ENOX1: variants seen among roughly 807,000 people sequenced by gnomAD.
The protein encoded by ENOX1 is candidate growth-related and time keeping constitutive hydroquinone (NADH) oxidase.
Under a neutral mutation model 82.5 loss-of-function variants are expected in ENOX1, and 42 were observed. That is an observed-to-expected ratio of 0.51 (90% CI 0.40 to 0.66). The LOEUF (loss-of-function observed/expected upper bound fraction) is 0.66, where lower values mean the gene tolerates loss of function less well. Ranked by LOEUF, ENOX1 falls within the 30% of genes least tolerant of loss-of-function variation. ENOX1 has a pLI of 0.00. For missense variants in ENOX1, 608 were observed against 811.6 expected, an observed-to-expected ratio of 0.75 and a Z score of 3.05; for synonymous variants, 271 against 282.2, an observed-to-expected ratio of 0.96 and a Z score of 0.40.
At chr13:43,440,795 C>T (rs758044482) in intron 3 of ENOX1, among the ~76,000 whole-genome samples, 1 of 152,120 alleles carries the variant, frequency 6.6e-6, no homozygotes, top group Non-Finnish European at 1.5e-5. Context: ...ATATGAACCT[C>T]AATCATAAGA....
chr13:43,332,348 T>G (rs761264489), intron 9 of ENOX1, among the ~76,000 whole-genome samples: 9 of 152,180 alleles, frequency 5.9e-5, no homozygotes, highest in Non-Finnish European at 1.2e-4. Flanking sequence ...TTCACGCTCC[T>G]GTAAGAATCT....
At chr13:43,408,621 C>T (rs752780313) in intron 5 of ENOX1, among the ~76,000 whole-genome samples, 1 of 151,896 alleles carries the variant, frequency 6.6e-6, no homozygotes. Flanking sequence ...TCTATGGCTA[C>T]GTGGAAAAGA....
rs1174448355 is a variant in ENOX1 at position 43,581,125 on chromosome 13, C to CTTTTTTTTTT, written c.-219+86344_-219+86353dup. Among the ~76,000 whole-genome samples, 231 of 77,102 alleles carry CTTTTTTTTTT rather than the reference C, an allele frequency of 3.0e-3. 9 individuals carry two copies. The highest frequency in any genetic ancestry group is 4.0e-3 in the Non-Finnish European group (174 of 43,958). 50.6% of individuals were successfully genotyped at this position (77,102 alleles called of 152,430 possible). On this transcript the variant is annotated intron_variant, in intron 2 of 16. Coordinates refer to ENST00000690772, the MANE Select transcript of ENOX1 (RefSeq NM_001347969.2). ...TAAGTTATTTTAGCACTACCTGATT[C>CTTTTTTTTTT]TTTTTTTTTTTTTTTTTTTTTTTTT...
At chr13:43,754,005 C>CATAT (rs2153832048) in intron 1 of ENOX1, among the ~76,000 whole-genome samples, 1 of 19,606 alleles carries the variant, frequency 5.1e-5, no homozygotes, top group African/African-American at 1.5e-4. Flanking sequence ...TGTATATATA[C>CATAT]ATATGTATAC....
At chr13:43,331,989 T>G (rs572919308) in intron 9 of ENOX1, among the ~76,000 whole-genome samples, 3 of 152,194 alleles carry the variant, frequency 2.0e-5, no homozygotes, top group African/African-American at 4.8e-5. Context: ...GAATTTCAAA[T>G]AGAGGAAGAA....
At chr13:43,253,676 G>A (rs1394446500) in intron 14 of ENOX1, among the ~76,000 whole-genome samples, 1 of 152,192 alleles carries the variant, frequency 6.6e-6, no homozygotes, top group East Asian at 1.9e-4. Context: ...TGGCTCCTGA[G>A]TAGCATACAG....
intron 9 of ENOX1, among the ~76,000 whole-genome samples, chr13:43,335,706 T>A (rs568124923): frequency 1.9e-3 from 274 of 145,228 alleles, no homozygotes; most frequent in African/African-American, 6.3e-3. Context: ...AAGATTTTTT[T>A]AAAAAAACAT....
At chr13:43,702,975 A>C (rs1355842014) in intron 1 of ENOX1, among the ~76,000 whole-genome samples, 1 of 149,908 alleles carries the variant, frequency 6.7e-6, no homozygotes, top group Non-Finnish European at 1.5e-5. Context: ...AAAAAAAAAA[A>C]AAAAAAAAGT....
At chr13:43,551,879 A>G (rs1229073844) in intron 2 of ENOX1, among the ~76,000 whole-genome samples, 1 of 152,176 alleles carries the variant, frequency 6.6e-6, no homozygotes, top group Admixed American at 6.5e-5. Flanking sequence ...AATGATTTAA[A>G]TAATCTTTAC....
chr13:43,398,971 T>G (rs2053328262), intron 5 of ENOX1, among the ~76,000 whole-genome samples: 1 of 151,614 alleles, frequency 6.6e-6, no homozygotes, highest in African/African-American at 2.4e-5. Context: ...TAATTTTTTT[T>G]TTCAGAGGTA....
At chr13:43,428,875 G>C (rs2055487639) in intron 3 of ENOX1, among the ~76,000 whole-genome samples, 2 of 152,196 alleles carry the variant, frequency 1.3e-5, no homozygotes, top group Admixed American at 1.3e-4. Flanking sequence ...TATTCCAAGG[G>C]ATAGCTGACA....
chr13:43,670,589 C>A lies in ENOX1; in HGVS notation c.-284-3045G>T, dbSNP rs1365151934. On this transcript the variant is annotated intron_variant, in intron 1 of 16. Coordinates refer to ENST00000690772, the MANE Select transcript of ENOX1 (RefSeq NM_001347969.2). The stretch of plus-strand genomic sequence containing the variant: ...GAAAATAGGGCTGGGAGCGGTGGCT[C>A]ATGCCTGTAATCCCAGCACTTTGGG... Among the ~76,000 whole-genome samples the A allele has an allele frequency of 2.0e-5, 3 of 152,276 alleles. No individual in the cohort carries two copies. In the South Asian group the frequency reaches 6.2e-4, roughly 32 times the overall value.
chr13:43,595,408 TTTTA>T (rs985814801), intron 2 of ENOX1, among the ~76,000 whole-genome samples: 4 of 152,118 alleles, frequency 2.6e-5, no homozygotes, highest in African/African-American at 7.2e-5. Context: ...CCAATGAACA[TTTTA>T]TTTCTTTTTT....
intron 13 of ENOX1, among the ~76,000 whole-genome samples, chr13:43,267,361 G>A (rs148177551): frequency 7.9e-5 from 12 of 152,344 alleles, no homozygotes; most frequent in Admixed American, 2.0e-4. Context: ...CTGCATCTTC[G>A]CAAATGGGAA....
intron 9 of ENOX1, among the ~76,000 whole-genome samples, chr13:43,332,911 T>G (rs1229612748): frequency 6.6e-6 from 1 of 152,010 alleles, no homozygotes; most frequent in African/African-American, 2.4e-5. Flanking sequence ...CTCTACCAAG[T>G]TCTCTTTTTA....
At chr13:43,314,038 GT>G (rs2047352013) in intron 11 of ENOX1, among the ~76,000 whole-genome samples, 1 of 152,170 alleles carries the variant, frequency 6.6e-6, no homozygotes, top group Non-Finnish European at 1.5e-5. Context: ...AATAGACTCT[GT>G]CTTGTAACTT....
intron 13 of ENOX1, among the ~76,000 whole-genome samples, chr13:43,267,643 G>A (rs1335155908): frequency 6.6e-6 from 1 of 152,208 alleles, no homozygotes; most frequent in East Asian, 1.9e-4. Context: ...GTGGTCAGTG[G>A]AGGTGAGAGG....
intron 2 of ENOX1, among the ~76,000 whole-genome samples, chr13:43,573,439 CTTGT>C (rs1160551231): frequency 6.6e-6 from 1 of 152,152 alleles, no homozygotes; most frequent in Non-Finnish European, 1.5e-5. Context: ...TTCTCTGGAG[CTTGT>C]TTGATTTTAC....
chr13:43,359,331 T>G (rs895268594), intron 7 of ENOX1, among the ~76,000 whole-genome samples: 18 of 152,286 alleles, frequency 1.2e-4, no homozygotes, highest in African/African-American at 4.1e-4. Context: ...AATCTCAGTA[T>G]CTGTAAAAAT....
Sources: gnomAD v4.1 joint callset for allele counts (sites outside exome capture counted in the v4.1 genomes callset) on GRCh38, gnomAD v4.1.1 for gene constraint, MANE v1.5 for transcripts, NCBI Gene and HGNC (gene_info 2026-07-23, HGNC 2026-07-21) for gene names.